COL28A1: variants seen among roughly 807,000 people sequenced by gnomAD.
COL28A1 encodes the protein collagen alpha-1(XXVIII) chain.
COL28A1 carries 161 observed loss-of-function variants against 150.2 expected under a neutral mutation model. The ratio of observed to expected loss-of-function variants is 1.07; its 90% CI spans 0.94 to 1.22. The LOEUF (loss-of-function observed/expected upper bound fraction) is 1.22, where lower values mean the gene tolerates loss of function less well. COL28A1 is among the 50% of genes most tolerant of loss of function. The pLI, the probability that COL28A1 is intolerant of heterozygous loss-of-function variation, is 0.00. For synonymous variants in COL28A1, 552 were observed against 469.7 expected, an observed-to-expected ratio of 1.18 and a Z score of -2.26; for missense variants, 1,617 against 1,388.3, an observed-to-expected ratio of 1.16 and a Z score of -2.62.
chr7:7,422,150 A>G (rs1232853582), intron 25 of COL28A1, among the ~76,000 whole-genome samples: 1 of 152,226 alleles, frequency 6.6e-6, no homozygotes, highest in Non-Finnish European at 1.5e-5. Context: ...TCTTCCAAAC[A>G]TTTTGACACT....
chr7:7,511,469 C>T (rs1411899155), intron 8 of COL28A1, among the ~76,000 whole-genome samples: 1 of 152,182 alleles, frequency 6.6e-6, no homozygotes, highest in African/African-American at 2.4e-5. Context: ...ATTGAATCCA[C>T]ATAACGGTCC....
At chr7:7,427,391 A>T (rs1784703705) in intron 25 of COL28A1, among the ~76,000 whole-genome samples, 1 of 152,230 alleles carries the variant, frequency 6.6e-6, no homozygotes, top group Admixed American at 6.5e-5. Context: ...CCACTTTGGA[A>T]TTACATGCCC....
At chr7:7,446,623 G>A (rs1403553303) in intron 18 of COL28A1, among the ~76,000 whole-genome samples, 1 of 152,130 alleles carries the variant, frequency 6.6e-6, no homozygotes, top group African/African-American at 2.4e-5. Flanking sequence ...GGCTTATAAA[G>A]CCTTTTCAAA....
intron 15 of COL28A1, among the ~76,000 whole-genome samples, chr7:7,464,327 C>T (rs1281895516): frequency 6.6e-6 from 1 of 152,154 alleles, no homozygotes; most frequent in Admixed American, 6.5e-5. Context: ...CAGATACTTA[C>T]AGAACATTCT....
chr7:7,520,831 T>C (rs1781682947), intron 5 of COL28A1, among the ~76,000 whole-genome samples: 1 of 152,196 alleles, frequency 6.6e-6, no homozygotes, highest in Non-Finnish European at 1.5e-5. Flanking sequence ...CCTGGCCATC[T>C]CTTGGTGTCA....
Position 7,457,486 on chromosome 7 carries a change from G to A in COL28A1, c.1303-1374C>T, listed in dbSNP as rs1297373711. Among the ~76,000 whole-genome samples, 14 of 152,144 alleles carry A rather than the reference G, an allele frequency of 9.2e-5. No homozygotes were observed. The East Asian group carries it at 2.7e-3, about 29-fold the overall frequency. On this transcript the variant is annotated intron_variant, in intron 15 of 34. Transcript: ENST00000399429. ...AGGGTGATATCAGGAGTTCAGTTTT[G>A]GACATGTTTAGTTTGAGATCCCTAA...
intron 27 of COL28A1, among the ~76,000 whole-genome samples, chr7:7,396,215 G>A (rs1782825721): frequency 6.6e-6 from 1 of 152,104 alleles, no homozygotes; most frequent in African/African-American, 2.4e-5. Context: ...CCTTCCCCCT[G>A]AAGTTCTGAT....
chr7:7,446,787 C>T (rs367670212), intron 18 of COL28A1, among the ~76,000 whole-genome samples: 1 of 152,152 alleles, frequency 6.6e-6, no homozygotes, highest in Non-Finnish European at 1.5e-5. Context: ...GAAACCAGGG[C>T]AAGTTCAGGC....
At chr7:7,354,974 G>C (rs150166598), downstream of COL28A1, among the ~76,000 whole-genome samples, 127 of 152,226 alleles carry the variant, frequency 8.3e-4, no homozygotes, top group African/African-American at 2.9e-3. Flanking sequence ...TTTGTCCTAA[G>C]GACATTTCTC....
At chr7:7,492,456 G>A (rs761024582) in intron 11 of COL28A1, among the ~76,000 whole-genome samples, 1 of 151,246 alleles carries the variant, frequency 6.6e-6, no homozygotes. Context: ...CTGGTGGCAT[G>A]TGCCTATAGT....
chr7:7,474,721 A>G (rs1198851373), intron 14 of COL28A1, 52 bp from the exon 15 acceptor site: 1 of 860,418 alleles, frequency 1.2e-6, no homozygotes, highest in East Asian at 2.4e-5. Context: ...CTGAATTTTA[A>G]AAGAGTTTAC....
intron 33 of COL28A1, among the ~76,000 whole-genome samples, chr7:7,362,022 G>A (rs1470578041): frequency 1.3e-5 from 2 of 152,110 alleles, no homozygotes; most frequent in East Asian, 3.9e-4. Context: ...ACACAATGGG[G>A]CCTGTCTGTG....
chr7:7,419,746 T>C (rs143811507), intron 26 of COL28A1, 139 bp downstream of exon 26: 43 of 453,986 alleles, frequency 9.5e-5, no homozygotes, highest in Middle Eastern at 3.1e-4. Flanking sequence ...TCACCTGATA[T>C]GAAAAATAAG....
intron 17 of COL28A1, among the ~76,000 whole-genome samples, chr7:7,453,174 G>T (rs1378978970): frequency 1.3e-5 from 2 of 152,154 alleles, no homozygotes; most frequent in African/African-American, 4.8e-5. Context: ...TAATATTACT[G>T]TTTGAGTTGG....
chr7:7,456,213 A>C (rs1349955669), intron 15 of COL28A1, 101 bp from the exon 16 acceptor site: 1 of 1,389,154 alleles, frequency 7.2e-7, no homozygotes. Context: ...CTATCTTTAT[A>C]CTATAAAAAA....
chr7:7,432,901 T>A (rs1245750233), intron 23 of COL28A1, among the ~76,000 whole-genome samples: 1 of 152,018 alleles, frequency 6.6e-6, no homozygotes, highest in Non-Finnish European at 1.5e-5. Flanking sequence ...AAAAAGAAAA[T>A]TTATTAAGCA....
At chr7:7,441,020 G>C (rs1415221658) in intron 20 of COL28A1, among the ~76,000 whole-genome samples, 159 bp from the exon 21 acceptor site, 1 of 152,226 alleles carries the variant, frequency 6.6e-6, no homozygotes, top group Non-Finnish European at 1.5e-5. Context: ...CAATGTTCTT[G>C]AGGAGATCAG....
intron 9 of COL28A1, among the ~76,000 whole-genome samples, chr7:7,507,379 A>G (rs1780870265): frequency 6.6e-6 from 1 of 152,266 alleles, no homozygotes; most frequent in African/African-American, 2.4e-5. Flanking sequence ...ATACAATTTT[A>G]GATGTAAGTC....
At chr7:7,408,545 C>T (rs751554493) in intron 27 of COL28A1, among the ~76,000 whole-genome samples, 8 of 152,138 alleles carry the variant, frequency 5.3e-5, no homozygotes, top group Non-Finnish European at 1.2e-4. Flanking sequence ...AAATACATGT[C>T]CTTCAACCAG....
Sources: gnomAD v4.1 joint callset for allele counts (sites outside exome capture counted in the v4.1 genomes callset) on GRCh38, gnomAD v4.1.1 for gene constraint, MANE v1.5 for transcripts, NCBI Gene and HGNC (gene_info 2026-07-23, HGNC 2026-07-21) for gene names.